Variants in WIZ observed in about 807,000 individuals in gnomAD.
WIZ encodes WIZ zinc finger, also known as protein Wiz.
Under a neutral mutation model 140.2 loss-of-function variants are expected in WIZ, and 25 were observed. That is an observed-to-expected ratio of 0.18 (90% CI 0.13 to 0.25). WIZ has a LOEUF of 0.25. Among genes scored for constraint, WIZ ranks in the 10% least tolerant of loss-of-function variants. WIZ has a pLI of 1.00. For missense variants in WIZ, 2,231 were observed against 2,632.6 expected (o/e 0.85, Z 3.34); for synonymous variants, 1,125 against 1,154.3 (o/e 0.97, Z 0.51).
At position 15,440,450 on chromosome 19, in the gene WIZ, G is replaced by A; in HGVS notation, c.544C>T (p.Pro182Ser). Reference sequence around the variant, plus strand: ...TCATCTTGGAGCCAGTCGAACCTGGGGCGGCCCTGGGCATGTTTCTCCAAA... The same window carrying A: ...TCATCTTGGAGCCAGTCGAACCTGGAGCGGCCCTGGGCATGTTTCTCCAAA... ...RLLEKHAQGRPRFDWLQDEDE... is the reference protein window; with the variant it reads ...RLLEKHAQGRSRFDWLQDEDE... Residue 182 changes from proline to serine, a missense_variant, in exon 4 of 13, where the codon CCC becomes TCC. By Grantham distance (74) the Pro-to-Ser change is moderately conservative. Coordinates refer to ENST00000673675, the MANE Select transcript of WIZ (RefSeq NM_001371589.1). This position sits in a 1 kb window ranked among gnomAD's most constrained non-coding sequence, Gnocchi z 6.2. The A allele has an allele frequency of 6.5e-7, 1 of 1,536,116 alleles. No individual in the cohort carries two copies. The highest frequency in any genetic ancestry group is 8.7e-7 in the Non-Finnish European group (1 of 1,146,888).
At chr19:15,430,178 C>T (rs1599672860) in intron 6 of WIZ, 89 bp from the exon 7 acceptor site, 15 of 1,429,474 alleles carry the variant, frequency 1.0e-5, no homozygotes, top group Non-Finnish European at 1.3e-5. Flanking sequence ...TCCCACTCAC[C>T]CAGGCTCCAT....
chr19:15,446,421 C>T (rs1041190132), intron 2 of WIZ, among the ~76,000 whole-genome samples: 1 of 152,172 alleles, frequency 6.6e-6, no homozygotes, highest in African/African-American at 2.4e-5. Flanking sequence ...CAAGATTCTG[C>T]CTCTCTCTGA....
rs1318818898 is a variant in WIZ, at chr19:15,428,532, G to T, written c.3416-24C>A. 9.8e-6 allele frequency: 15 copies of T among 1,535,238 alleles called. No individual in the cohort carries two copies. The highest frequency in any genetic ancestry group is 1.2e-5 in the Non-Finnish European group (14 of 1,146,704). Reference sequence around the variant, plus strand: ...AGCTGCGGAGACAAAACACAGGGGGGGTTCACGGCCGCCACCTTGGCCGGC... The same window carrying T: ...AGCTGCGGAGACAAAACACAGGGGGTGTTCACGGCCGCCACCTTGGCCGGC... On this transcript the variant is annotated intron_variant, in intron 7 of 12. Transcript: ENST00000673675. The surrounding 1 kb of genome is among the most constrained non-coding windows in gnomAD (Gnocchi z 6.4).
In WIZ at chr19:15,440,381, G is replaced by A; in HGVS notation, c.613C>T (p.Leu205=). The A allele has an allele frequency of 1.3e-6, 2 of 1,532,678 alleles. No homozygotes were observed. The highest frequency in any genetic ancestry group is 1.7e-6 in the Non-Finnish European group (2 of 1,144,278). The allele number at this position is 1,532,678 out of a possible 1,614,324, so 94.9% of individuals were successfully genotyped here. ...GCGAGGGGTGGCGGCTGGGCAGGCAGGTCCAAGTGCAGCCCTGCGTCCTGG... is the reference window on the plus strand; with the variant it reads ...GCGAGGGGTGGCGGCTGGGCAGGCAAGTCCAAGTGCAGCCCTGCGTCCTGG... ...SPQDAGLHLD[L]PAQPPPLAPF... is the part of the protein sequence containing the mutation. Residue 205 remains leucine (L), a synonymous_variant, in exon 4 of 13, where the codon CTG becomes TTG. Transcript: ENST00000673675. The surrounding 1 kb of genome is among the most constrained non-coding windows in gnomAD (Gnocchi z 6.2).
intron 4 of WIZ, 66 bp from the exon 5 acceptor site, chr19:15,437,195 C>T (rs1366132155): frequency 5.5e-5 from 78 of 1,423,156 alleles, no homozygotes; most frequent in Non-Finnish European, 4.7e-6. Context: ...AACCCCTCCC[C>T]ATATTCAGGG....
At chr19:15,437,465 C>G (rs1969559676) in intron 4 of WIZ, among the ~76,000 whole-genome samples, 1 of 152,172 alleles carries the variant, frequency 6.6e-6, no homozygotes, top group Non-Finnish European at 1.5e-5. Context: ...GAGTTTGACA[C>G]CAGTCTGGGC....
At chr19:15,444,016 G>A (rs562058105) in intron 2 of WIZ, among the ~76,000 whole-genome samples, 1 of 152,342 alleles carries the variant, frequency 6.6e-6, no homozygotes, top group South Asian at 2.1e-4. Flanking sequence ...CTTGCCTGAC[G>A]TGGGTAAGCT....
At position 15,430,092 on chromosome 19, in the gene WIZ, G is replaced by A. The variant is rs1179391632; in HGVS notation, c.2912-3C>T. 2.0e-6 allele frequency: 3 copies of A among 1,520,676 alleles called. No homozygotes were observed. The highest frequency in any genetic ancestry group is 2.7e-5 in the African/African-American group (2 of 72,778). 94.2% of individuals were successfully genotyped at this position (1,520,676 alleles called of 1,614,324 possible). A position where few individuals can be genotyped will look rare whatever the true frequency, so the allele number is the denominator to read the frequency against. ...CTCGCAGGTGGTCAGGCTCTGGGCTGAAGGGCAACACAGAGGCCGGGAGAG... is the reference window on the plus strand; with the variant it reads ...CTCGCAGGTGGTCAGGCTCTGGGCTAAAGGGCAACACAGAGGCCGGGAGAG... On this transcript the variant is annotated splice_polypyrimidine_tract_variant and splice_region_variant and intron_variant, in intron 6 of 12. Transcript: ENST00000673675.
intron 5 of WIZ, among the ~76,000 whole-genome samples, chr19:15,431,865 G>C (rs1487865524): frequency 3.3e-5 from 5 of 152,234 alleles, no homozygotes. Context: ...GTGTGGCAGA[G>C]GGAACCAAGG....
Position 15,448,387 on chromosome 19 carries a change from A to C in WIZ, c.-60-20T>G. 1.3e-6 allele frequency: 2 copies of C among 1,544,632 alleles called. No homozygotes were observed. The highest frequency in any genetic ancestry group is 4.6e-5 in the East Asian group (2 of 43,892). On this transcript the variant is annotated intron_variant, in intron 1 of 12. Coordinates refer to ENST00000673675, the MANE Select transcript of WIZ (RefSeq NM_001371589.1). ...GTGGGCCTGGGGATAGAGAGAAGGA[A>C]GTGCTTAGGGGATGGAGGAAAGGGA...
chr19:15,449,658 C>A (rs1433016253), intron 1 of WIZ, 140 bp downstream of exon 1: 2 of 148,236 alleles, frequency 1.3e-5, no homozygotes, highest in East Asian at 4.1e-4. Context: ...GCCCCGCCCC[C>A]GGCCAGGCCC....
At chr19:15,441,318 G>A (rs1246311163) in intron 3 of WIZ, among the ~76,000 whole-genome samples, 1 of 152,142 alleles carries the variant, frequency 6.6e-6, no homozygotes, top group Non-Finnish European at 1.5e-5. Context: ...GGGGCTGGGG[G>A]AGGCAAGGTA....
At chr19:15,431,739 G>T (rs1206181225) in intron 5 of WIZ, among the ~76,000 whole-genome samples, 1 of 152,242 alleles carries the variant, frequency 6.6e-6, no homozygotes, top group Non-Finnish European at 1.5e-5. Context: ...CCTAAGTGGG[G>T]TAAGGTGTCT....
intron 2 of WIZ, among the ~76,000 whole-genome samples, chr19:15,447,503 C>G (rs961463139): frequency 6.6e-6 from 1 of 152,242 alleles, no homozygotes; most frequent in African/African-American, 2.4e-5. Flanking sequence ...ATTCTTGCCT[C>G]TTTGGTTTAC....
rs750802628 is a variant in WIZ at position 15,438,756 on chromosome 19, G to A, written c.2238C>T (p.His746=). The change falls in exon 4 of 13, where the codon CAC becomes CAT. Residue 746 remains histidine (H), a synonymous_variant. Transcript: ENST00000673675. ...GGCAGTAGGGGCATTTCCGCTCCTC[G>A]TGCTTCAGTGCCATGGCCGGATCCC... ...LDGDPAMALK[H]EERKCPYCPD... 1.5e-4 allele frequency: 224 copies of A among 1,535,390 alleles called. No homozygotes were observed. The highest frequency in any genetic ancestry group is 1.8e-4 in the Non-Finnish European group (209 of 1,146,404).
rs773905815 is a variant in WIZ at position 15,439,994 on chromosome 19, T to C, written c.1000A>G (p.Met334Val). 1.3e-6 allele frequency: 2 copies of C among 1,535,786 alleles called. No individual in the cohort carries two copies. The highest frequency in any genetic ancestry group is 1.4e-5 in the African/African-American group (1 of 73,118). Residue 334 changes from methionine (M) to valine (V), a missense_variant, in exon 4 of 13, where the codon ATG (methionine) becomes GTG (valine). Physicochemically the swap from Met to Val is conservative, Grantham distance 21 (BLOSUM62 1). Coordinates refer to ENST00000673675, the MANE Select transcript of WIZ (RefSeq NM_001371589.1). This position sits in a 1 kb window ranked among gnomAD's most constrained non-coding sequence, Gnocchi z 7.0. The stretch of plus-strand genomic sequence containing the variant: ...CCCGGGGCTCGGCGGTGCTGGCTCA[T>C]GTGCTCCAGGAGGTGCTCCTTCTGC... ...FKQKEHLLEH[M>V]SQHRRAPGQE...
chr19:15,440,706 A>T lies in WIZ; in HGVS notation c.288T>A (p.Asp96Glu). Reference sequence around the variant, plus strand: ...CCGGCCGGAAGTCCAGGCTGCCTCCATCCCAGCAGCTGCAAGGAAGTGCCA... The same window carrying T: ...CCGGCCGGAAGTCCAGGCTGCCTCCTTCCCAGCAGCTGCAAGGAAGTGCCA... ...ATHRISSCCWDGGSLDFRPGS... is the reference protein window; with the variant it reads ...ATHRISSCCWEGGSLDFRPGS... The change falls in exon 4 of 13, where the codon GAT becomes GAA. Residue 96 changes from aspartate (D) to glutamate (E), a missense_variant. Asp to Glu is a conservative substitution (Grantham distance 45). Coordinates refer to ENST00000673675, the MANE Select transcript of WIZ (RefSeq NM_001371589.1). This position sits in a 1 kb window ranked among gnomAD's most constrained non-coding sequence, Gnocchi z 6.2. The T allele has an allele frequency of 6.7e-7, 1 of 1,492,284 alleles. No homozygotes were observed. The highest frequency in any genetic ancestry group is 8.9e-7 in the Non-Finnish European group (1 of 1,122,622). The allele number at this position is 1,492,284 out of a possible 1,614,324, so 92.4% of individuals were successfully genotyped here.
chr19:15,449,420 G>A (rs1330931931), intron 1 of WIZ: 1 of 152,434 alleles, frequency 6.6e-6, no homozygotes, highest in Non-Finnish European at 1.5e-5. Context: ...GAACGGGCGG[G>A]ACCGCAACTT....
rs1463196589 is a variant in WIZ, at chr19:15,440,779, G to A, written c.279-64C>T. The A allele has an allele frequency of 7.1e-7, 1 of 1,418,314 alleles. No homozygotes were observed. Among genetic ancestry groups the A allele is most frequent in the South Asian group, 1.5e-5 (1 of 67,776 alleles). The allele number at this position is 1,418,314 out of a possible 1,614,324, so 87.9% of individuals were successfully genotyped here. A position where few individuals can be genotyped will look rare whatever the true frequency, so the allele number is the denominator to read the frequency against. ...CTGCAGTTTTCCTTCCTAGGGTGGT[G>A]ATGGGGGTCCTCCCAGGCCGTTTGA... is the stretch of plus-strand genomic sequence containing the variant. On this transcript the variant is annotated intron_variant, in intron 3 of 12. Coordinates refer to ENST00000673675, the MANE Select transcript of WIZ (RefSeq NM_001371589.1). The surrounding 1 kb of genome is among the most constrained non-coding windows in gnomAD (Gnocchi z 6.2).
Sources: allele counts gnomAD v4.1 joint callset (sites outside exome capture counted in the v4.1 genomes callset), GRCh38; gene constraint gnomAD v4.1.1; non-coding constraint Gnocchi (gnomAD v3.1); transcripts MANE v1.5; gene names NCBI Gene and HGNC (gene_info 2026-07-23, HGNC 2026-07-21).